The following TMEFF2 variants were observed in gnomAD, a reference collection of about 807,000 sequenced individuals.
The protein encoded by TMEFF2 is tomoregulin-2.
In TMEFF2, 28 loss-of-function variants were observed where a neutral mutation model predicts 53.8. The observed-to-expected ratio is 0.52, with a 90% CI of 0.39 to 0.71. The LOEUF (loss-of-function observed/expected upper bound fraction) is 0.71. Among genes scored for constraint, TMEFF2 ranks in the 30% least tolerant of loss-of-function variants. The probability of loss-of-function intolerance (pLI) is 0.00; values close to 1 mark genes in which losing one functional copy is unlikely to be tolerated. For missense variants in TMEFF2, 353 were observed against 455.2 expected (o/e 0.78, Z 2.04); for synonymous variants, 162 against 166.3 (o/e 0.97, Z 0.20).
intron 4 of TMEFF2, among the ~76,000 whole-genome samples, chr2:192,104,928 G>A (rs1689110675): frequency 1.3e-5 from 2 of 151,936 alleles, no homozygotes; most frequent in African/African-American, 4.8e-5. Flanking sequence ...CTTTAAGTTA[G>A]TTATAGGTAA....
Position 192,194,753 on chromosome 2 carries a change from A to G in TMEFF2, c.-229T>C. 1 of 565,496 alleles carries G rather than the reference A, an allele frequency of 1.8e-6. No homozygotes were observed. The highest frequency in any genetic ancestry group is 3.2e-6 in the Non-Finnish European group (1 of 317,218). 35.0% of individuals were successfully genotyped at this position (565,496 alleles called of 1,614,324 possible). Reference sequence around the variant, plus strand: ...GGAGCGAGAGGGTCGTCCGCTGAGAAGCTGCGCCGGAGACGCGGGAAGCTG... The same window carrying G: ...GGAGCGAGAGGGTCGTCCGCTGAGAGGCTGCGCCGGAGACGCGGGAAGCTG... On this transcript the variant is annotated 5_prime_UTR_variant, in exon 1 of 10. Transcript: ENST00000272771. The surrounding 1 kb of genome is among the most constrained non-coding windows in gnomAD (Gnocchi z 4.2).
intron 5 of TMEFF2, among the ~76,000 whole-genome samples, chr2:192,025,892 A>G (rs1310255141): frequency 6.6e-6 from 1 of 152,196 alleles, no homozygotes; most frequent in Non-Finnish European, 1.5e-5. Context: ...AGAAAAATAC[A>G]TCCCTGACTG....
rs929369290 is a variant in TMEFF2, at chr2:192,144,084, T to C, written c.439+35584A>G. Reference sequence around the variant, plus strand: ...ACTTACAAAATCATAAGTCTTCATTTATGTGGTAAGAAAAACATAATTTCT... The same window carrying C: ...ACTTACAAAATCATAAGTCTTCATTCATGTGGTAAGAAAAACATAATTTCT... On this transcript the variant is annotated intron_variant, in intron 4 of 9. Transcript: ENST00000272771. Among the ~76,000 whole-genome samples the C allele has an allele frequency of 5.3e-5, 8 of 152,130 alleles. No homozygotes were observed. The East Asian group carries it at 1.5e-3, about 29-fold the overall frequency.
chr2:192,087,954 A>G (rs1453335438), intron 4 of TMEFF2, among the ~76,000 whole-genome samples: 1 of 152,204 alleles, frequency 6.6e-6, no homozygotes. Context: ...AATATTTACT[A>G]CAATTAGTTC....
intron 4 of TMEFF2, among the ~76,000 whole-genome samples, chr2:192,089,882 T>G (rs570160062): frequency 2.6e-5 from 4 of 152,284 alleles, no homozygotes; most frequent in Non-Finnish European, 5.9e-5. Context: ...CCCTTAAACT[T>G]AAGAAATGGT....
intron 5 of TMEFF2, among the ~76,000 whole-genome samples, chr2:192,041,788 G>T (rs956802423): frequency 6.6e-6 from 1 of 152,172 alleles, no homozygotes; most frequent in African/African-American, 2.4e-5. Context: ...TGCTAGGGAA[G>T]CCGTAGAAAA....
At chr2:192,124,611 T>C (rs1480238525) in intron 4 of TMEFF2, among the ~76,000 whole-genome samples, 1 of 152,176 alleles carries the variant, frequency 6.6e-6, no homozygotes, top group African/African-American at 2.4e-5. Context: ...AGATCAGCAA[T>C]TATTTCAAAT....
intron 4 of TMEFF2, among the ~76,000 whole-genome samples, chr2:192,070,189 T>G (rs977842623): frequency 1.3e-5 from 2 of 151,588 alleles, no homozygotes; most frequent in African/African-American, 4.8e-5. Flanking sequence ...TTTTCAGGTA[T>G]AAACTATGAT....
At chr2:192,128,765 T>G (rs1689738485) in intron 4 of TMEFF2, among the ~76,000 whole-genome samples, 1 of 152,196 alleles carries the variant, frequency 6.6e-6, no homozygotes, top group South Asian at 2.1e-4. Context: ...TAAAACAACA[T>G]AACGAAAACC....
chr2:192,168,527 C>G (rs1054101405), intron 4 of TMEFF2, among the ~76,000 whole-genome samples: 3 of 152,078 alleles, frequency 2.0e-5, no homozygotes, highest in African/African-American at 7.2e-5. Context: ...CAATTCTTTT[C>G]TTTCTGCACA....
chr2:191,956,757 T>TA (rs146906592), intron 7 of TMEFF2, among the ~76,000 whole-genome samples: 3,290 of 152,226 alleles, frequency 0.022, 132 homozygotes, highest in African/African-American at 0.074. Flanking sequence ...TCCTTAAGAG[T>TA]AAATTGCTGT....
rs1254873978 is a variant in TMEFF2, at chr2:192,052,763, CT to C, written c.536+4915del. Among the ~76,000 whole-genome samples, 5 of 152,214 alleles carry C rather than the reference CT, an allele frequency of 3.3e-5. No homozygotes were observed. In the East Asian group the frequency reaches 9.7e-4, roughly 29 times the overall value. On this transcript the variant is annotated intron_variant, in intron 5 of 9. Transcript: ENST00000272771. ...GAAATGATATTTTAATCCCTTTCTT[CT>C]TCTCTTAACCCCTTCCCCATAAACA...
chr2:192,132,343 CA>C (rs1442666360), intron 4 of TMEFF2, among the ~76,000 whole-genome samples: 1 of 152,038 alleles, frequency 6.6e-6, no homozygotes, highest in African/African-American at 2.4e-5. Context: ...TCTTTTTCAT[CA>C]AATATAAAAA....
intron 7 of TMEFF2, among the ~76,000 whole-genome samples, chr2:191,991,226 A>G (rs962690998): frequency 3.9e-5 from 6 of 152,124 alleles, no homozygotes; most frequent in African/African-American, 1.4e-4. Flanking sequence ...GGTCTCTTGC[A>G]ACAAGCTGTT....
chr2:192,040,417 A>G (rs1467474779), intron 5 of TMEFF2, among the ~76,000 whole-genome samples: 2 of 152,112 alleles, frequency 1.3e-5, no homozygotes, highest in Non-Finnish European at 2.9e-5. Flanking sequence ...AAATCCTTTG[A>G]AGAGCTTCCT....
intron 5 of TMEFF2, among the ~76,000 whole-genome samples, chr2:192,001,576 G>T (rs1354243229): frequency 6.6e-6 from 1 of 152,096 alleles, no homozygotes; most frequent in Non-Finnish European, 1.5e-5. Context: ...ATTTCATCTT[G>T]AATTGTAGCT....
Position 191,951,755 on chromosome 2 carries a change from A to AAGGCTCT in TMEFF2, c.1029-1355_1029-1349dup, listed in dbSNP as rs1691891279. ...TTTATTGACTAGTATGAATCCTGGAAAGGCTCTAGAAGGTTTGGTGGTCTT... is the reference window on the plus strand; with the variant it reads ...TTTATTGACTAGTATGAATCCTGGAAAGGCTCTAGGCTCTAGAAGGTTTGGTGGTCTT... On this transcript the variant is annotated intron_variant, in intron 9 of 9. Coordinates refer to ENST00000272771, the MANE Select transcript of TMEFF2 (RefSeq NM_016192.4). Among the ~76,000 whole-genome samples the AAGGCTCT allele has an allele frequency of 5.9e-5, 9 of 152,274 alleles. No individual in the cohort carries two copies. The South Asian group carries it at 1.7e-3, about 28-fold the overall frequency.
At chr2:192,037,388 A>G (rs1252150127) in intron 5 of TMEFF2, among the ~76,000 whole-genome samples, 1 of 151,688 alleles carries the variant, frequency 6.6e-6, no homozygotes, top group Non-Finnish European at 1.5e-5. Context: ...TCTTTCTATT[A>G]AATTAATGAA....
chr2:192,043,902 G>C (rs1280576980), intron 5 of TMEFF2: 1 of 152,218 alleles, frequency 6.6e-6, no homozygotes, highest in Non-Finnish European at 1.5e-5. Flanking sequence ...TGCCTGTGCG[G>C]GAGTCAGATG....
Sources: gnomAD v4.1 joint callset for allele counts (sites outside exome capture counted in the v4.1 genomes callset) on GRCh38, gnomAD v4.1.1 for gene constraint, Gnocchi (gnomAD v3.1) non-coding constraint, MANE v1.5 for transcripts, NCBI Gene and HGNC (gene_info 2026-07-23, HGNC 2026-07-21) for gene names.